PDE4A: variants seen among roughly 807,000 people sequenced by gnomAD.
The protein encoded by PDE4A is 3',5'-cyclic-AMP phosphodiesterase 4A.
PDE4A carries 21 observed loss-of-function variants against 73.9 expected under a neutral mutation model. The ratio of observed to expected loss-of-function variants is 0.28; its 90% CI spans 0.20 to 0.41. The LOEUF is 0.41. Among genes scored for constraint, PDE4A ranks in the 10% least tolerant of loss-of-function variants. The probability of loss-of-function intolerance (pLI) is 1.00; values close to 1 mark genes in which losing one functional copy is unlikely to be tolerated. For synonymous variants in PDE4A, 463 were observed against 505.4 expected (o/e 0.92, Z 1.13); for missense variants, 958 against 1,211.4 (o/e 0.79, Z 3.10).
At chr19:10,430,944 C>G (rs1278569450) in intron 1 of PDE4A, 1 of 1,526,002 alleles carries the variant, frequency 6.6e-7, no homozygotes, top group African/African-American at 1.4e-5. Flanking sequence ...GCCCGAGCCC[C>G]TGGCCCCGCG....
intron 1 of PDE4A, chr19:10,430,902 G>T: frequency 6.7e-7 from 1 of 1,493,782 alleles, no homozygotes. Flanking sequence ...GGCCTTCCCG[G>T]TGGCGGTGGC....
chr19:10,446,638 A>G (rs1455800279), intron 2 of PDE4A, among the ~76,000 whole-genome samples: 2 of 146,682 alleles, frequency 1.4e-5, no homozygotes, highest in Non-Finnish European at 3.0e-5. Flanking sequence ...TCTGTCGTCC[A>G]GGCTGGAGTG....
At chr19:10,423,931 G>A (rs2042682096) in intron 1 of PDE4A, among the ~76,000 whole-genome samples, 1 of 152,254 alleles carries the variant, frequency 6.6e-6, no homozygotes, top group South Asian at 2.1e-4. Context: ...GGAGGAAGGT[G>A]TCTGATGGCA....
At chr19:10,436,764 G>T (rs2042870349) in intron 1 of PDE4A, among the ~76,000 whole-genome samples, 1 of 152,190 alleles carries the variant, frequency 6.6e-6, no homozygotes, top group Non-Finnish European at 1.5e-5. Context: ...TATTGGCTGG[G>T]TGCAGTGGCT....
In PDE4A at chr19:10,420,735, C is replaced by T; in HGVS notation, c.-30C>T. 6.7e-7 allele frequency: 1 copy of T among 1,503,536 alleles called. No homozygotes were observed. 93.1% of individuals were successfully genotyped at this position (1,503,536 alleles called of 1,614,324 possible). ...GGGGTGTAGGTTGGAAGGGCCAGGG[C>T]CCCCTGGGGCGCAAGTGGGGGCCGG... On this transcript the variant is annotated 5_prime_UTR_variant, in exon 1 of 15. Transcript: ENST00000380702. This position sits in a 1 kb window ranked among gnomAD's most constrained non-coding sequence, Gnocchi z 6.0.
At chr19:10,459,824 T>G in intron 10 of PDE4A, 65 bp downstream of exon 10, 2 of 1,514,768 alleles carry the variant, frequency 1.3e-6, no homozygotes, top group Non-Finnish European at 1.8e-6. Flanking sequence ...CAGCCTCCTG[T>G]GTGTCTCTCT....
chr19:10,432,335 G>T, intron 1 of PDE4A: 2 of 1,271,242 alleles, frequency 1.6e-6, no homozygotes, highest in South Asian at 2.7e-5. Context: ...AGGCGGTGCC[G>T]GCAGTGGAGG....
intron 1 of PDE4A, among the ~76,000 whole-genome samples, chr19:10,434,548 A>G (rs1313123981): frequency 6.6e-6 from 1 of 150,432 alleles, no homozygotes; most frequent in Non-Finnish European, 1.5e-5. Context: ...AATGCATGTT[A>G]CAGTATAGCA....
chr19:10,467,481 T>C lies in PDE4A; in HGVS notation c.2521T>C (p.Ser841Pro). Residue 841 changes from serine to proline, a missense_variant, in exon 15 of 15, where the codon TCC becomes CCC. By Grantham distance (74) the Ser-to-Pro change is moderately conservative. Transcript: ENST00000380702. ...EHAPGLPGLP[S>P]TAAEVEAQRE... The stretch of plus-strand genomic sequence containing the variant: ...TGCCCCGGGCCTCCCGGGCCTCCCC[T>C]CCACGGCGGCCGAGGTGGAGGCCCA... The C allele has an allele frequency of 6.2e-7, 1 of 1,612,626 alleles. No individual in the cohort carries two copies. Among genetic ancestry groups the C allele is most frequent in the Non-Finnish European group, 8.5e-7 (1 of 1,179,658 alleles).
At chr19:10,456,638 G>A (rs1000222973) in intron 7 of PDE4A, among the ~76,000 whole-genome samples, 1 of 151,392 alleles carries the variant, frequency 6.6e-6, no homozygotes, top group Non-Finnish European at 1.5e-5. Context: ...GATCACTTGA[G>A]CCCAGGAGTT....
At chr19:10,460,752 C>G (rs1275693265) in intron 10 of PDE4A, among the ~76,000 whole-genome samples, 1 of 148,414 alleles carries the variant, frequency 6.7e-6, no homozygotes, top group Non-Finnish European at 1.5e-5. Context: ...GAGCCAAGAT[C>G]GTGCCACTGC....
rs201148820 is a variant in PDE4A at position 10,446,238 on chromosome 19, C to T, written c.341C>T (p.Pro114Leu). The T allele has an allele frequency of 3.0e-5, 47 of 1,581,310 alleles. No homozygotes were observed. Among genetic ancestry groups the T allele is most frequent in the East Asian group, 4.7e-5 (2 of 42,748 alleles). ...SSRRFEAENG[P>L]TPSPGRSPLD... Reference sequence around the variant, plus strand: ...TGCAGCTTCGAGGCAGAGAATGGGCCGACACCATCTCCTGGCCGCAGCCCC... The same window carrying T: ...TGCAGCTTCGAGGCAGAGAATGGGCTGACACCATCTCCTGGCCGCAGCCCC... The change falls in exon 2 of 15, where the codon CCG (proline) becomes CTG (leucine). Residue 114 changes from proline to leucine, a missense_variant. Pro to Leu is a moderately conservative substitution (Grantham distance 98). Transcript: ENST00000380702.
At position 10,467,412 on chromosome 19, in the gene PDE4A, A is replaced by G. The variant is rs1042297542; in HGVS notation, c.2452A>G (p.Ser818Gly). 6.2e-7 allele frequency: 1 copy of G among 1,613,994 alleles called. No homozygotes were observed. The change falls in exon 15 of 15, where the codon AGC becomes GGC. Residue 818 changes from serine to glycine, a missense_variant. Physicochemically the swap from Ser to Gly is moderately conservative, Grantham distance 56 (BLOSUM62 0). Transcript: ENST00000380702. ...CAGCCCCTCTGCCCTGGCTCTTCAA[A>G]GCCCCCTTCTCCCTGCTTGGAGGAC... ...HSSPSALALQ[S>G]PLLPAWRTLS...
chr19:10,429,379 T>C (rs1257603466), intron 1 of PDE4A, among the ~76,000 whole-genome samples: 3 of 152,128 alleles, frequency 2.0e-5, no homozygotes, highest in Admixed American at 6.5e-5. Flanking sequence ...GGTCTCACTG[T>C]CTCAAGATGG....
At position 10,463,852 on chromosome 19, in the gene PDE4A, G is replaced by C. The variant is rs1005024437; in HGVS notation, c.1803G>C (p.Leu601=). 5 of 1,614,172 alleles carry C rather than the reference G, an allele frequency of 3.1e-6. No individual in the cohort carries two copies. Among genetic ancestry groups the C allele is most frequent in the Non-Finnish European group, 8.5e-7 (1 of 1,180,024 alleles). The stretch of plus-strand genomic sequence containing the variant: ...GCAACCCCACCAAGCCGCTGGAGCT[G>C]TACCGCCAGTGGACAGACCGCATCA... ...DLSNPTKPLE[L]YRQWTDRIMA... Residue 601 remains leucine, a synonymous_variant, in exon 14 of 15, where the codon CTG becomes CTC. Coordinates refer to ENST00000380702, the MANE Select transcript of PDE4A (RefSeq NM_001111307.2).
chr19:10,437,370 C>T (rs1482624042), intron 1 of PDE4A, among the ~76,000 whole-genome samples: 1 of 152,106 alleles, frequency 6.6e-6, no homozygotes, highest in East Asian at 1.9e-4. Context: ...GATCTGCCCG[C>T]CTTGGCCTCC....
rs566740756 is a variant in PDE4A at position 10,453,005 on chromosome 19, C to T, written c.784-1824C>T. ...TTGCCCTGCCCCCCTCCCATGGGCA[C>T]GGACCCCCCACCGCCTCCACCCACT... On this transcript the variant is annotated intron_variant, in intron 6 of 14. Coordinates refer to ENST00000380702, the MANE Select transcript of PDE4A (RefSeq NM_001111307.2). The surrounding 1 kb of genome is among the most constrained non-coding windows in gnomAD (Gnocchi z 4.6). 2.2e-5 allele frequency: 28 copies of T among 1,296,370 alleles called. No homozygotes were observed. The highest frequency in any genetic ancestry group is 9.3e-5 in the African/African-American group (6 of 64,290). 80.3% of individuals were successfully genotyped at this position (1,296,370 alleles called of 1,614,324 possible). A position where few individuals can be genotyped will look rare whatever the true frequency, so the allele number is the denominator to read the frequency against.
upstream of PDE4A, chr19:10,420,511 C>A: frequency 9.6e-7 from 1 of 1,046,322 alleles, no homozygotes; most frequent in South Asian, 4.7e-5. This position sits in a 1 kb window ranked among gnomAD's most constrained non-coding sequence, Gnocchi z 6.0. Context: ...CCGAGCGGGC[C>A]GCGGAACGCG....
chr19:10,439,574 G>A (rs2042909921), intron 1 of PDE4A, among the ~76,000 whole-genome samples: 2 of 152,170 alleles, frequency 1.3e-5, no homozygotes, highest in Admixed American at 6.6e-5. Flanking sequence ...GCAGCAGAGA[G>A]ACCTGGTTGG....
Sources: allele counts gnomAD v4.1 joint callset (sites outside exome capture counted in the v4.1 genomes callset), GRCh38; gene constraint gnomAD v4.1.1; non-coding constraint Gnocchi (gnomAD v3.1); transcripts MANE v1.5; gene names NCBI Gene and HGNC (gene_info 2026-07-23, HGNC 2026-07-21).